GRM7: variants seen among roughly 807,000 people sequenced by gnomAD.
GRM7 encodes the protein glutamate metabotropic receptor 7.
A neutral mutation model predicts 84.5 loss-of-function variants in GRM7; 35 were observed. The observed-to-expected ratio is 0.41, with a 90% confidence interval of 0.32 to 0.55. The LOEUF is 0.55. Among genes scored for constraint, GRM7 ranks in the 20% least tolerant of loss-of-function variants. The pLI, the probability that GRM7 is intolerant of heterozygous loss-of-function variation, is 0.19. For synonymous variants in GRM7, 487 were observed against 455.1 expected (o/e 1.07, Z -0.89); for missense variants, 1,003 against 1,194.6 (o/e 0.84, Z 2.36).
chr3:7,403,822 T>C (rs1371133882), intron 4 of GRM7, among the ~76,000 whole-genome samples: 2 of 151,092 alleles, frequency 1.3e-5, no homozygotes, highest in Non-Finnish European at 2.9e-5. Flanking sequence ...TATGTGTGTG[T>C]GGATGGATGG....
At chr3:7,115,577 G>T (rs535677556) in intron 1 of GRM7, among the ~76,000 whole-genome samples, 1 of 152,208 alleles carries the variant, frequency 6.6e-6, no homozygotes, top group Non-Finnish European at 1.5e-5. Context: ...CTCCATCTCT[G>T]CTTTCTAAAT....
intron 7 of GRM7, among the ~76,000 whole-genome samples, chr3:7,558,772 T>C (rs938807469): frequency 1.3e-5 from 2 of 152,104 alleles, no homozygotes; most frequent in Non-Finnish European, 2.9e-5. Flanking sequence ...CTAAGTCTTG[T>C]GAATATTGTA....
chr3:7,071,521 C>T (rs7641859), intron 1 of GRM7, among the ~76,000 whole-genome samples: 2 of 151,976 alleles, frequency 1.3e-5, no homozygotes, highest in Non-Finnish European at 2.9e-5. Flanking sequence ...GCTTTAAAAA[C>T]TTGCTGTCTT....
Position 7,151,152 on chromosome 3 carries a change from G to C in GRM7, c.736+4484G>C, listed in dbSNP as rs921994681. Among the ~76,000 whole-genome samples, 1 of 96,512 alleles carries C rather than the reference G, an allele frequency of 1.0e-5. No individual in the cohort carries two copies. Among genetic ancestry groups the C allele is most frequent in the Non-Finnish European group, 2.0e-5 (1 of 49,640 alleles). The allele number at this position is 96,512 out of a possible 152,430, so 63.3% of individuals were successfully genotyped here. ...TTAATTAATACTTTATCATAGCCTA[G>C]CATATTTTTTTCCTAAAATACTTAG... is the stretch of plus-strand genomic sequence containing the variant. On this transcript the variant is annotated intron_variant, in intron 2 of 9. Coordinates refer to ENST00000357716, the MANE Select transcript of GRM7 (RefSeq NM_000844.4). The surrounding 1 kb of genome is among the most constrained non-coding windows in gnomAD (Gnocchi z 4.5).
intron 9 of GRM7, among the ~76,000 whole-genome samples, chr3:7,684,908 G>T (rs1234063683): frequency 6.6e-6 from 1 of 152,248 alleles, no homozygotes; most frequent in African/African-American, 2.4e-5. Context: ...AAGTGTAAAA[G>T]AACCTGGCCT....
At chr3:7,178,003 T>C (rs113131862) in intron 2 of GRM7, among the ~76,000 whole-genome samples, 3,388 of 152,362 alleles carry the variant, frequency 0.022, 97 homozygotes, top group African/African-American at 0.069. Flanking sequence ...CTTATTTTTC[T>C]TCTTGCTTTT....
chr3:7,386,627 A>T (rs2125135652), intron 4 of GRM7, among the ~76,000 whole-genome samples: 1 of 152,344 alleles, frequency 6.6e-6, no homozygotes, highest in African/African-American at 2.4e-5. Flanking sequence ...ATGGCTACAT[A>T]GTATTCCATG....
rs529938459 is a variant in GRM7, at chr3:7,032,136, G to A, written c.520-114316G>A. On this transcript the variant is annotated intron_variant, in intron 1 of 9. Transcript: ENST00000357716. The stretch of plus-strand genomic sequence containing the variant: ...CTATGGAAGTTAATTTGGTAAGCCA[G>A]CTTGTGGAACAACATGCTCTTATAC... Among the ~76,000 whole-genome samples, 21 of 152,312 alleles carry A rather than the reference G, an allele frequency of 1.4e-4. No homozygotes were observed. The South Asian group carries it at 4.4e-3, about 32-fold the overall frequency.
At chr3:7,436,990 G>T (rs1333256565) in intron 5 of GRM7, among the ~76,000 whole-genome samples, 2 of 151,886 alleles carry the variant, frequency 1.3e-5, no homozygotes, top group Non-Finnish European at 2.9e-5. Context: ...TCACTTCATG[G>T]TTTCTTTGGA....
intron 7 of GRM7, among the ~76,000 whole-genome samples, chr3:7,462,683 T>G (rs1240982530): frequency 6.6e-6 from 1 of 152,158 alleles, no homozygotes; most frequent in African/African-American, 2.4e-5. Flanking sequence ...GTTATTCACA[T>G]AGGGAGCCGT....
chr3:7,075,454 C>G (rs1698032247), intron 1 of GRM7, among the ~76,000 whole-genome samples: 2 of 150,882 alleles, frequency 1.3e-5, no homozygotes, highest in African/African-American at 4.9e-5. Context: ...GGATAAGTTC[C>G]TTTTCAACTC....
chr3:7,055,481 G>C (rs996498276), intron 1 of GRM7, among the ~76,000 whole-genome samples: 1 of 143,630 alleles, frequency 7.0e-6, no homozygotes, highest in African/African-American at 2.7e-5. Flanking sequence ...ATATATCTGT[G>C]TGTGTGTGTG....
At chr3:7,687,966 A>G (rs2125148212) in intron 9 of GRM7, among the ~76,000 whole-genome samples, 1 of 152,216 alleles carries the variant, frequency 6.6e-6, no homozygotes, top group South Asian at 2.1e-4. Context: ...TCTTTCTCCC[A>G]GTGAATATGT....
chr3:7,221,076 G>T (rs753453191), intron 2 of GRM7, among the ~76,000 whole-genome samples: 1 of 152,074 alleles, frequency 6.6e-6, no homozygotes, highest in East Asian at 1.9e-4. Flanking sequence ...CAGCCTGGGC[G>T]ACAGAGTAAG....
chr3:7,139,228 G>A (rs528440852), intron 1 of GRM7, among the ~76,000 whole-genome samples: 34 of 151,340 alleles, frequency 2.2e-4, no homozygotes, highest in Non-Finnish European at 4.3e-4. Flanking sequence ...AGATTTGGAC[G>A]TTTTGTCATA....
chr3:6,979,718 A>G (rs1694125677), intron 1 of GRM7, among the ~76,000 whole-genome samples: 1 of 152,240 alleles, frequency 6.6e-6, no homozygotes, highest in African/African-American at 2.4e-5. Flanking sequence ...TAAAAAATAA[A>G]TAAAAATGGG....
rs1168461157 is a variant in GRM7 at position 7,729,869 on chromosome 3, CTTTTTTTTTT to C, written c.2699-10474_2699-10465del. On this transcript the variant is annotated intron_variant, in intron 9 of 9. Transcript: ENST00000357716. ...TACAGGTGCATGCCACCACCTCCGGCTTTTTTTTTTTTTTTTTTTTTTTGAGATGAAGTCT... is the reference window on the plus strand; with the variant it reads ...TACAGGTGCATGCCACCACCTCCGGCTTTTTTTTTTTTTGAGATGAAGTCT... Among the ~76,000 whole-genome samples, 440 of 70,008 alleles carry C rather than the reference CTTTTTTTTTT, an allele frequency of 6.3e-3. 14 individuals are homozygous for C. In the East Asian group the frequency reaches 0.12, roughly 20 times the overall value. The allele number at this position is 70,008 out of a possible 152,430, so 45.9% of individuals were successfully genotyped here.
chr3:7,423,112 G>C (rs1356778771), intron 5 of GRM7, among the ~76,000 whole-genome samples: 1 of 152,030 alleles, frequency 6.6e-6, no homozygotes, highest in Non-Finnish European at 1.5e-5. Flanking sequence ...CATAAAAAGG[G>C]GTCTCTACTG....
intron 4 of GRM7, among the ~76,000 whole-genome samples, chr3:7,359,353 T>C (rs1693562205): frequency 7.7e-6 from 1 of 130,682 alleles, no homozygotes; most frequent in African/African-American, 3.3e-5. Context: ...TTTTTTTTTT[T>C]GAGACAGTCT....
Sources: allele counts gnomAD v4.1 joint callset (sites outside exome capture counted in the v4.1 genomes callset), GRCh38; gene constraint gnomAD v4.1.1; non-coding constraint Gnocchi (gnomAD v3.1); transcripts MANE v1.5; gene names NCBI Gene and HGNC (gene_info 2026-07-23, HGNC 2026-07-21).